Variants in WDFY3 observed in about 807,000 individuals in gnomAD.
WDFY3 encodes WD repeat and FYVE domain containing 3, also known as WD repeat and FYVE domain-containing protein 3.
Under a neutral mutation model 409.6 loss-of-function variants are expected in WDFY3, and 66 were observed. The ratio of observed to expected loss-of-function variants is 0.16; its 90% confidence interval spans 0.13 to 0.20. WDFY3 has a LOEUF of 0.20. Ranked by LOEUF, WDFY3 falls within the 10% of genes least tolerant of loss-of-function variation. The pLI is 1.00. For missense variants in WDFY3, 3,031 were observed against 4,298.1 expected, an observed-to-expected ratio of 0.71 and a Z score of 8.24; for synonymous variants, 1,521 against 1,537.1, an observed-to-expected ratio of 0.99 and a Z score of 0.25.
At chr4:84,854,570 A>C (rs1759485137) in intron 4 of WDFY3, among the ~76,000 whole-genome samples, 1 of 152,224 alleles carries the variant, frequency 6.6e-6, no homozygotes, top group African/African-American at 2.4e-5. Context: ...CAGAAGGTGT[A>C]GATTCTACTT....
intron 67 of WDFY3, among the ~76,000 whole-genome samples, chr4:84,673,609 T>C (rs1725784879): frequency 6.6e-6 from 1 of 152,186 alleles, no homozygotes; most frequent in Non-Finnish European, 1.5e-5. Flanking sequence ...AACACCCTCA[T>C]TTCCTATTTA....
In WDFY3 at chr4:84,811,410, C is replaced by T. The variant is rs544266315; in HGVS notation, c.1888-1066G>A. Reference sequence around the variant, plus strand: ...GCACTAGCTTATTTAATCCTTTCAACAATCCTATGGGTAAGGTACTATTAT... The same window carrying T: ...GCACTAGCTTATTTAATCCTTTCAATAATCCTATGGGTAAGGTACTATTAT... On this transcript the variant is annotated intron_variant, in intron 13 of 67. Coordinates refer to ENST00000295888, the MANE Select transcript of WDFY3 (RefSeq NM_014991.6). Among the ~76,000 whole-genome samples, 66 of 152,344 alleles carry T rather than the reference C, an allele frequency of 4.3e-4. 1 individual carries two copies. The highest frequency in any genetic ancestry group is 9.8e-4 in the Admixed American group (15 of 15,300).
At chr4:84,762,157 T>G (rs1014313795) in intron 32 of WDFY3, among the ~76,000 whole-genome samples, 2 of 151,960 alleles carry the variant, frequency 1.3e-5, no homozygotes, top group Admixed American at 1.3e-4. Context: ...TAAAGACACA[T>G]GCACACATAT....
chr4:84,905,031 C>T (rs910762108), intron 2 of WDFY3, among the ~76,000 whole-genome samples: 19 of 150,774 alleles, frequency 1.3e-4, no homozygotes, highest in African/African-American at 3.2e-4. Context: ...TCTGCGCACA[C>T]GGGGAAAGAC....
intron 62 of WDFY3, among the ~76,000 whole-genome samples, chr4:84,686,306 AAAATAAATAAAT>A (rs544272576): frequency 3.3e-5 from 5 of 151,988 alleles, no homozygotes; most frequent in Non-Finnish European, 5.9e-5. Context: ...ACTCCATCTC[AAAATAAATAAAT>A]AAATAAATAA....
intron 1 of WDFY3, among the ~76,000 whole-genome samples, chr4:84,937,830 C>G (rs560359671): frequency 6.6e-6 from 1 of 152,194 alleles, no homozygotes; most frequent in South Asian, 2.1e-4. Flanking sequence ...GGCCTTTATA[C>G]TTGCTATTCT....
In WDFY3 at chr4:84,801,725, T is replaced by C; in HGVS notation, c.2747A>G (p.Asp916Gly). The C allele has an allele frequency of 6.2e-7, 1 of 1,612,734 alleles. No individual in the cohort carries two copies. The highest frequency in any genetic ancestry group is 8.5e-7 in the Non-Finnish European group (1 of 1,179,912). Residue 916 changes from aspartate (D) to glycine (G), a missense_variant, in exon 17 of 68, where the codon GAC becomes GGC. Asp to Gly is a moderately conservative substitution (Grantham distance 94). Transcript: ENST00000295888. ...CTGCAGGGGCGGGTGCAGTGAGTGG[T>C]CCTCATCAGCCAATGCAGCACTGCA... ...QRCSAALADE[D>G]HSLHPPLQRM...
In WDFY3 at chr4:84,922,620, T is replaced by A. The variant is rs75998056; in HGVS notation, c.-132+9650A>T. 4.6e-5 allele frequency among the ~76,000 whole-genome samples: 7 copies of A among 152,122 alleles called. 1 individual carries two copies. The South Asian group carries it at 1.0e-3, about 23-fold the overall frequency. ...AGTACAGGAAGACATTTTTTTTTTT[T>A]AATCTTATTGCTTTTACCGAGGCAA... On this transcript the variant is annotated intron_variant, in intron 2 of 67. Transcript: ENST00000295888.
At chr4:84,714,322 C>A (rs145015729) in intron 50 of WDFY3, among the ~76,000 whole-genome samples, 6 of 152,228 alleles carry the variant, frequency 3.9e-5, no homozygotes, top group African/African-American at 1.4e-4. Context: ...GTTCCCCAGG[C>A]TGGTCTTTAA....
At chr4:84,927,854 T>C (rs1265112364) in intron 2 of WDFY3, among the ~76,000 whole-genome samples, 3 of 152,222 alleles carry the variant, frequency 2.0e-5, no homozygotes, top group African/African-American at 4.8e-5. Flanking sequence ...TATTTTCTCA[T>C]AGCAATGTGA....
chr4:84,907,284 G>C (rs1256775035), intron 2 of WDFY3, among the ~76,000 whole-genome samples: 8 of 152,124 alleles, frequency 5.3e-5, no homozygotes, highest in Non-Finnish European at 1.0e-4. Flanking sequence ...CTAAGGAACA[G>C]AATATGGAGG....
At chr4:84,777,695 T>C (rs1745787601) in intron 27 of WDFY3, among the ~76,000 whole-genome samples, 1 of 151,998 alleles carries the variant, frequency 6.6e-6, no homozygotes, top group African/African-American at 2.4e-5. Flanking sequence ...GGTTAGGGCC[T>C]AGACACAAGA....
intron 2 of WDFY3, among the ~76,000 whole-genome samples, chr4:84,920,434 A>G (rs890442529): frequency 1.1e-4 from 16 of 152,238 alleles, no homozygotes; most frequent in African/African-American, 3.6e-4. Context: ...GCTAAATGAA[A>G]AGAATAAATG....
intron 32 of WDFY3, among the ~76,000 whole-genome samples, chr4:84,761,314 T>C (rs1251315394): frequency 6.6e-6 from 1 of 152,206 alleles, no homozygotes; most frequent in Non-Finnish European, 1.5e-5. Context: ...TGTAGATGTC[T>C]ATTAGGTCTG....
At chr4:84,692,813 G>A in intron 59 of WDFY3, 72 bp downstream of exon 59, 1 of 1,453,782 alleles carries the variant, frequency 6.9e-7, no homozygotes, top group Non-Finnish European at 9.2e-7. Flanking sequence ...AAGCAAATTT[G>A]TTATTGTTAA....
intron 3 of WDFY3, 113 bp from the exon 4 acceptor site, chr4:84,860,735 A>G (rs1017013790): frequency 2.6e-5 from 25 of 964,408 alleles, no homozygotes; most frequent in South Asian, 7.7e-5. Flanking sequence ...TGTCTAAAAT[A>G]TATCTTTCTA....
intron 21 of WDFY3, among the ~76,000 whole-genome samples, chr4:84,794,031 T>C (rs1748956863): frequency 6.6e-6 from 1 of 152,218 alleles, no homozygotes; most frequent in South Asian, 2.1e-4. Context: ...AGTTCTACTG[T>C]ACAGCACTGT....
chr4:84,702,543 C>A, intron 55 of WDFY3, 37 bp from the exon 56 acceptor site: 1 of 1,503,168 alleles, frequency 6.7e-7, no homozygotes, highest in Non-Finnish European at 8.9e-7. Context: ...ATTAGAGAAC[C>A]GTTCCCACCT....
intron 3 of WDFY3, among the ~76,000 whole-genome samples, chr4:84,893,945 C>T (rs540143370): frequency 1.5e-3 from 231 of 151,678 alleles, no homozygotes; most frequent in Non-Finnish European, 2.5e-3. Flanking sequence ...GCCGAGGCTG[C>T]GCCATTGCAC....
Sources: gnomAD v4.1 joint callset for allele counts (sites outside exome capture counted in the v4.1 genomes callset) on GRCh38, gnomAD v4.1.1 for gene constraint, MANE v1.5 for transcripts, NCBI Gene and HGNC (gene_info 2026-07-23, HGNC 2026-07-21) for gene names.